The following ZNF385D variants were observed in gnomAD, a reference collection of about 807,000 sequenced individuals.
ZNF385D encodes zinc finger protein 659.
A neutral mutation model predicts 35.8 loss-of-function variants in ZNF385D; 15 were observed. The ratio of observed to expected loss-of-function variants is 0.42; its 90% confidence interval spans 0.28 to 0.64. The LOEUF is 0.64. Among genes scored for constraint, ZNF385D ranks in the 30% least tolerant of loss-of-function variants. The pLI, the probability that ZNF385D is intolerant of heterozygous loss-of-function variation, is 0.23. For synonymous variants in ZNF385D, 212 were observed against 186.8 expected (o/e 1.13, Z -1.10); for missense variants, 474 against 494.6 (o/e 0.96, Z 0.39).
chr3:21,847,693 G>T (rs1479360835), intron 3 of ZNF385D, among the ~76,000 whole-genome samples: 4 of 151,822 alleles, frequency 2.6e-5, no homozygotes, highest in Non-Finnish European at 5.9e-5. Flanking sequence ...TATGAGTTTT[G>T]GTAAGTAGAA....
chr3:22,187,125 A>G (rs1023704820), intron 2 of ZNF385D, among the ~76,000 whole-genome samples: 1 of 152,172 alleles, frequency 6.6e-6, no homozygotes, highest in African/African-American at 2.4e-5. Flanking sequence ...ACATATAAAA[A>G]GACATGAACA....
chr3:21,697,917 A>G (rs1217206820), intron 1 of ZNF385D, among the ~76,000 whole-genome samples: 1 of 152,258 alleles, frequency 6.6e-6, no homozygotes, highest in Non-Finnish European at 1.5e-5. Flanking sequence ...TACACCAGTC[A>G]GAATGGCTAT....
At chr3:21,457,697 C>A (rs1702909027) in intron 4 of ZNF385D, among the ~76,000 whole-genome samples, 1 of 152,100 alleles carries the variant, frequency 6.6e-6, no homozygotes, top group South Asian at 2.1e-4. Flanking sequence ...TGATTTCCAA[C>A]AGCCTTCCAG....
intron 1 of ZNF385D, among the ~76,000 whole-genome samples, chr3:21,674,022 C>A (rs372766737): frequency 6.6e-6 from 1 of 152,086 alleles, no homozygotes; most frequent in Non-Finnish European, 1.5e-5. Flanking sequence ...ATGCTAAAAT[C>A]TTGTTACATG....
intron 2 of ZNF385D, among the ~76,000 whole-genome samples, chr3:22,217,208 G>A (rs1174125332): frequency 6.6e-6 from 1 of 151,986 alleles, no homozygotes; most frequent in Admixed American, 6.6e-5. Flanking sequence ...AACTTGATCA[G>A]CCTATTCTTT....
chr3:21,916,036 A>G (rs1179255000), intron 3 of ZNF385D, among the ~76,000 whole-genome samples: 3 of 152,174 alleles, frequency 2.0e-5, no homozygotes, highest in Non-Finnish European at 2.9e-5. Context: ...TTTTGTTTTA[A>G]AAGATATATG....
chr3:22,112,967 AC>A (rs1383530767), intron 3 of ZNF385D, among the ~76,000 whole-genome samples: 2 of 152,054 alleles, frequency 1.3e-5, no homozygotes, highest in African/African-American at 4.8e-5. Flanking sequence ...CAAGTATAGA[AC>A]TTTAGTCTCT....
At chr3:22,176,654 T>A (rs1338259883) in intron 2 of ZNF385D, among the ~76,000 whole-genome samples, 2 of 152,198 alleles carry the variant, frequency 1.3e-5, no homozygotes, top group Admixed American at 1.3e-4. Flanking sequence ...AATGGAACTT[T>A]TAAATGCATT....
intron 3 of ZNF385D, among the ~76,000 whole-genome samples, chr3:21,852,096 T>A (rs1357376054): frequency 6.6e-6 from 1 of 152,062 alleles, no homozygotes; most frequent in Non-Finnish European, 1.5e-5. Flanking sequence ...ATGTATTTTC[T>A]GAATGGATGA....
At chr3:21,945,317 G>T (rs1385723275) in intron 3 of ZNF385D, among the ~76,000 whole-genome samples, 1 of 152,002 alleles carries the variant, frequency 6.6e-6, no homozygotes, top group Admixed American at 6.6e-5. Context: ...AATATTGTCT[G>T]GTCTTCAGAA....
At chr3:21,562,878 ATACTT>A (rs1466218129) in intron 3 of ZNF385D, among the ~76,000 whole-genome samples, 1 of 80,298 alleles carries the variant, frequency 1.2e-5, no homozygotes, top group African/African-American at 9.2e-5. Context: ...TCACTTGAGA[ATACTT>A]TATTGTTAAA....
At chr3:21,825,155 CACAT>C in intron 3 of ZNF385D, among the ~76,000 whole-genome samples, 1 of 152,194 alleles carries the variant, frequency 6.6e-6, no homozygotes, top group East Asian at 1.9e-4. Flanking sequence ...TTAGTGAATG[CACAT>C]ACAAACGCAA....
intron 2 of ZNF385D, among the ~76,000 whole-genome samples, chr3:22,202,525 C>T (rs1052874904): frequency 2.0e-5 from 3 of 152,150 alleles, no homozygotes; most frequent in African/African-American, 7.2e-5. Flanking sequence ...ACTGACTGTC[C>T]TCCTTGCAAA....
chr3:22,277,995 CCTA>C (rs754937314), intron 2 of ZNF385D, among the ~76,000 whole-genome samples: 1 of 152,016 alleles, frequency 6.6e-6, no homozygotes, highest in Admixed American at 6.6e-5. Flanking sequence ...TCTGATTTCT[CCTA>C]CTTTCAGTGC....
chr3:21,765,579 A>G (rs2070791466), intron 3 of ZNF385D, among the ~76,000 whole-genome samples: 1 of 152,086 alleles, frequency 6.6e-6, no homozygotes, highest in Non-Finnish European at 1.5e-5. Context: ...TGGGCCCCGG[A>G]GCCAGTAGGT....
At chr3:21,846,758 T>C (rs1696030857) in intron 3 of ZNF385D, among the ~76,000 whole-genome samples, 1 of 151,976 alleles carries the variant, frequency 6.6e-6, no homozygotes, top group Non-Finnish European at 1.5e-5. Context: ...AAGAAGTGGC[T>C]TTCTAGCGGC....
rs187734179 is a variant in ZNF385D, at chr3:21,506,374, C to T, written c.439+4487G>A. Among the ~76,000 whole-genome samples, 62 of 152,190 alleles carry T rather than the reference C, an allele frequency of 4.1e-4. 1 individual carries two copies. The highest frequency in any genetic ancestry group is 8.3e-4 in the South Asian group (4 of 4,820). ...AGAAATAATTAGATATTGCAAAAGCCACTAGGATTTTAGAGGTTGTTTATT... is the reference window on the plus strand; with the variant it reads ...AGAAATAATTAGATATTGCAAAAGCTACTAGGATTTTAGAGGTTGTTTATT... On this transcript the variant is annotated intron_variant, in intron 4 of 7. Coordinates refer to ENST00000281523, the MANE Select transcript of ZNF385D (RefSeq NM_024697.3).
intron 3 of ZNF385D, among the ~76,000 whole-genome samples, chr3:22,009,860 T>C (rs931580175): frequency 2.0e-5 from 3 of 151,910 alleles, no homozygotes; most frequent in East Asian, 1.9e-4. Flanking sequence ...GTTATAAATA[T>C]ATAGATTTGT....
chr3:22,127,559 T>C lies in ZNF385D; in HGVS notation c.325+41258A>G, dbSNP rs556422648. Among the ~76,000 whole-genome samples, 589 of 151,934 alleles carry C rather than the reference T, an allele frequency of 3.9e-3. 12 individuals are homozygous for C. Among genetic ancestry groups the C allele is most frequent in the African/African-American group, 0.014 (565 of 41,448 alleles). On this transcript the variant is annotated intron_variant, in intron 3 of 5. Coordinates refer to the ZNF385D transcript ENST00000494108. ...TTCACCATGTTGTCCAGGCTGGTTT[T>C]GAACTTATGACCTCAAGTGATCTGC...
Sources: allele counts gnomAD v4.1 joint callset (sites outside exome capture counted in the v4.1 genomes callset), GRCh38; gene constraint gnomAD v4.1.1; transcripts MANE v1.5; gene names NCBI Gene and HGNC (gene_info 2026-07-23, HGNC 2026-07-21).